Variants in GRIP1 observed in about 807,000 individuals in gnomAD.
The protein encoded by GRIP1 is glutamate receptor-interacting protein 1.
GRIP1 carries 45 observed loss-of-function variants against 129.9 expected under a neutral mutation model. The observed-to-expected ratio is 0.35, with a 90% CI of 0.27 to 0.44. The LOEUF is 0.44. Ranked by LOEUF, GRIP1 falls within the 20% of genes least tolerant of loss-of-function variation. GRIP1 has a pLI of 1.00. For synonymous variants in GRIP1, 530 were observed against 520.8 expected (o/e 1.02, Z -0.24); for missense variants, 1,196 against 1,396.8 (o/e 0.86, Z 2.29).
At chr12:66,477,603 G>T (rs1199651423) in intron 7 of GRIP1, among the ~76,000 whole-genome samples, 1 of 152,142 alleles carries the variant, frequency 6.6e-6, no homozygotes. Flanking sequence ...AAAGCTGGAG[G>T]CATCACGCTA....
chr12:66,981,191 C>T (rs1034885118), intron 1 of GRIP1, among the ~76,000 whole-genome samples: 5 of 152,210 alleles, frequency 3.3e-5, no homozygotes, highest in African/African-American at 1.2e-4. Flanking sequence ...TGCAGTAGAG[C>T]AATCTTCCTT....
At chr12:66,866,908 T>C (rs1555247167) in intron 1 of GRIP1, among the ~76,000 whole-genome samples, 1 of 152,220 alleles carries the variant, frequency 6.6e-6, no homozygotes, top group Non-Finnish European at 1.5e-5. Context: ...CAGAATATCA[T>C]GTCGTACACA....
At chr12:66,732,292 T>C (rs2036462924) in intron 1 of GRIP1, among the ~76,000 whole-genome samples, 1 of 152,176 alleles carries the variant, frequency 6.6e-6, no homozygotes, top group South Asian at 2.1e-4. Flanking sequence ...GGCTCACACC[T>C]GTAATCCCAG....
At chr12:66,852,985 A>G (rs959651401) in intron 1 of GRIP1, among the ~76,000 whole-genome samples, 4 of 151,852 alleles carry the variant, frequency 2.6e-5, no homozygotes, top group Admixed American at 6.6e-5. Context: ...AGTAAGTAAA[A>G]CATGCCAAGC....
At chr12:66,377,687 C>G (rs1405604847) in intron 20 of GRIP1, among the ~76,000 whole-genome samples, 1 of 146,392 alleles carries the variant, frequency 6.8e-6, no homozygotes, top group East Asian at 2.0e-4. Flanking sequence ...TCATCTCACA[C>G]GAAATATAGA....
intron 1 of GRIP1, among the ~76,000 whole-genome samples, chr12:66,607,051 G>A (rs2064570151): frequency 6.6e-6 from 1 of 152,130 alleles, no homozygotes; most frequent in South Asian, 2.1e-4. Flanking sequence ...ACGCGCACAT[G>A]TGTGTATAAA....
At chr12:66,354,965 T>A (rs2054408150) in intron 23 of GRIP1, among the ~76,000 whole-genome samples, 1 of 152,144 alleles carries the variant, frequency 6.6e-6, no homozygotes, top group South Asian at 2.1e-4. Flanking sequence ...ATGTACCCGC[T>A]CAAGGCCACA....
intron 24 of GRIP1, among the ~76,000 whole-genome samples, chr12:66,351,711 C>T (rs1442478841): frequency 1.1e-4 from 17 of 151,962 alleles, no homozygotes; most frequent in Non-Finnish European, 4.4e-5. Flanking sequence ...GGCCCCTAGT[C>T]CAGACTTGAG....
At chr12:67,037,819 A>G (rs1348290841) in intron 1 of GRIP1, among the ~76,000 whole-genome samples, 1 of 152,190 alleles carries the variant, frequency 6.6e-6, no homozygotes, top group South Asian at 2.1e-4. Flanking sequence ...TGTCAGTGGG[A>G]CATTAACCTA....
rs76863921 is a variant in GRIP1, at chr12:66,701,332, C to A, written c.-419-70996G>T. ...AAGCTGCACGAGTACTTTAGCTCAACTACTTTAGTAGAATTACTTTAATAA... is the reference window on the plus strand; with the variant it reads ...AAGCTGCACGAGTACTTTAGCTCAAATACTTTAGTAGAATTACTTTAATAA... On this transcript the variant is annotated intron_variant, in intron 1 of 4. Transcript: ENST00000538373. 5.2e-3 allele frequency among the ~76,000 whole-genome samples: 793 copies of A among 152,226 alleles called. 8 individuals carry two copies. Among genetic ancestry groups the A allele is most frequent in the African/African-American group, 0.018 (759 of 41,534 alleles).
At chr12:66,746,568 GTCTT>G (rs1304591461) in intron 1 of GRIP1, among the ~76,000 whole-genome samples, 3 of 152,182 alleles carry the variant, frequency 2.0e-5, no homozygotes, top group African/African-American at 7.2e-5. Context: ...GTGGGAACAT[GTCTT>G]TCTCCACCTT....
In GRIP1 at chr12:66,508,802, A is replaced by G. The variant is rs138592688; in HGVS notation, c.724+6817T>C. Among the ~76,000 whole-genome samples the G allele has an allele frequency of 9.5e-4, 145 of 152,338 alleles. 3 individuals are homozygous for G. The East Asian group carries it at 0.025, about 26-fold the overall frequency. ...GCCTTGTTTTATTCAGCCAGCAAGA[A>G]TTTCATGGTTACTGACTGCCGTCTG... On this transcript the variant is annotated intron_variant, in intron 7 of 24. Coordinates refer to ENST00000359742, the MANE Select transcript of GRIP1 (RefSeq NM_001366722.1).
At chr12:66,791,481 T>G (rs1202864583) in intron 1 of GRIP1, among the ~76,000 whole-genome samples, 1 of 152,118 alleles carries the variant, frequency 6.6e-6, no homozygotes, top group Non-Finnish European at 1.5e-5. Flanking sequence ...GTTATACAGT[T>G]TTTTTCTTCC....
At chr12:66,770,542 G>A (rs1047658590) in intron 1 of GRIP1, among the ~76,000 whole-genome samples, 5 of 152,110 alleles carry the variant, frequency 3.3e-5, no homozygotes, top group Non-Finnish European at 7.4e-5. Context: ...CAAGCTGACG[G>A]TCACCGCTGG....
intron 1 of GRIP1, among the ~76,000 whole-genome samples, chr12:66,688,098 C>T (rs1010219905): frequency 1.3e-5 from 2 of 152,148 alleles, no homozygotes; most frequent in Admixed American, 6.6e-5. Context: ...TTGGAACATC[C>T]GGATTCATCC....
intron 2 of GRIP1, among the ~76,000 whole-genome samples, chr12:66,596,478 G>C (rs369101562): frequency 2.0e-5 from 3 of 152,124 alleles, no homozygotes; most frequent in Admixed American, 6.6e-5. Context: ...GATCTGTTGC[G>C]GCAATTGTGA....
chr12:66,706,087 G>A (rs1332368035), intron 1 of GRIP1, among the ~76,000 whole-genome samples: 1 of 152,154 alleles, frequency 6.6e-6, no homozygotes, highest in African/African-American at 2.4e-5. Context: ...CTTCTGCACA[G>A]CAAAAGAAAC....
At chr12:66,731,970 A>T (rs1472869098) in intron 1 of GRIP1, among the ~76,000 whole-genome samples, 2 of 152,224 alleles carry the variant, frequency 1.3e-5, no homozygotes, top group African/African-American at 4.8e-5. Context: ...AATTCAAAAA[A>T]TTGAGAAATG....
intron 13 of GRIP1, among the ~76,000 whole-genome samples, chr12:66,439,220 G>C (rs544696981): frequency 6.6e-6 from 1 of 152,208 alleles, no homozygotes; most frequent in South Asian, 2.1e-4. Flanking sequence ...TGCATGGCTG[G>C]TCCCTCCATT....
Sources: gnomAD v4.1 joint callset for allele counts (sites outside exome capture counted in the v4.1 genomes callset) on GRCh38, gnomAD v4.1.1 for gene constraint, MANE v1.5 for transcripts, NCBI Gene and HGNC (gene_info 2026-07-23, HGNC 2026-07-21) for gene names.